The following HPSE2 variants were observed in gnomAD, a reference collection of about 807,000 sequenced individuals.
HPSE2 encodes inactive heparanase-2.
A neutral mutation model predicts 60.5 loss-of-function variants in HPSE2; 38 were observed. That is an observed-to-expected ratio of 0.63 (90% CI 0.48 to 0.82). The LOEUF is 0.82. Among genes scored for constraint, HPSE2 ranks in the 40% least tolerant of loss-of-function variants. The pLI is 0.00. For synonymous variants in HPSE2, 295 were observed against 293.2 expected (o/e 1.01, Z -0.06); for missense variants, 713 against 740.4 (o/e 0.96, Z 0.43).
chr10:98,641,318 G>A (rs1346829466), intron 7 of HPSE2, among the ~76,000 whole-genome samples: 2 of 152,056 alleles, frequency 1.3e-5, no homozygotes, highest in Admixed American at 1.3e-4. Context: ...CAGGCACAGC[G>A]GCTCACACCG....
At chr10:98,947,801 A>C (rs974196249) in intron 3 of HPSE2, among the ~76,000 whole-genome samples, 1 of 152,164 alleles carries the variant, frequency 6.6e-6, no homozygotes, top group African/African-American at 2.4e-5. Flanking sequence ...TTGTACAATA[A>C]GAAGGCCTGA....
chr10:98,591,274 C>T (rs908429067), intron 9 of HPSE2, among the ~76,000 whole-genome samples: 8 of 152,262 alleles, frequency 5.3e-5, no homozygotes, highest in South Asian at 2.1e-4. Flanking sequence ...TGGAGCACCA[C>T]GTAAATGGCA....
At chr10:99,072,536 C>CA (rs1842825502) in intron 3 of HPSE2, among the ~76,000 whole-genome samples, 2 of 152,050 alleles carry the variant, frequency 1.3e-5, no homozygotes, top group South Asian at 4.1e-4. Context: ...ATGCAGCTGA[C>CA]AAACATATGA....
intron 9 of HPSE2, among the ~76,000 whole-genome samples, chr10:98,543,781 A>G (rs1186419125): frequency 6.6e-6 from 1 of 152,214 alleles, no homozygotes; most frequent in Non-Finnish European, 1.5e-5. Flanking sequence ...AGAGCTAACT[A>G]TCCTAAATAT....
chr10:98,723,324 ATGGTGGATAAGC>A (rs1226555684), intron 4 of HPSE2, among the ~76,000 whole-genome samples: 1 of 152,156 alleles, frequency 6.6e-6, no homozygotes, highest in Non-Finnish European at 1.5e-5. Context: ...CCACTTGATC[ATGGTGGATAAGC>A]TTTTTGATGT....
chr10:98,801,886 C>T (rs1416479754), intron 3 of HPSE2, among the ~76,000 whole-genome samples: 1 of 152,080 alleles, frequency 6.6e-6, no homozygotes, highest in African/African-American at 2.4e-5. Flanking sequence ...ATAGCCGAAC[C>T]TACCCTGGGC....
intron 3 of HPSE2, among the ~76,000 whole-genome samples, chr10:98,944,798 T>C (rs1955130628): frequency 6.6e-6 from 1 of 152,130 alleles, no homozygotes; most frequent in Non-Finnish European, 1.5e-5. Context: ...TAGCTTCCAG[T>C]TTCTCCATCC....
chr10:98,903,356 C>A (rs565409385), intron 3 of HPSE2, among the ~76,000 whole-genome samples: 16 of 151,982 alleles, frequency 1.1e-4, no homozygotes, highest in Non-Finnish European at 2.2e-4. Context: ...TATAAATGCA[C>A]AACTTTATGA....
intron 3 of HPSE2, among the ~76,000 whole-genome samples, chr10:98,744,858 A>C (rs1368222542): frequency 6.6e-6 from 1 of 152,172 alleles, no homozygotes; most frequent in Non-Finnish European, 1.5e-5. Context: ...TTTTCACTGA[A>C]GTCCAGATTT....
rs541246302 is a variant in HPSE2, at chr10:98,929,168, A to C, written c.611-185112T>G. On this transcript the variant is annotated intron_variant, in intron 3 of 11. Transcript: ENST00000370552. ...ATGGTATATGATGTGTGCCCTTGTA[A>C]GCACAAATAGCAGGCACAAAGTTCC... 4.1e-4 allele frequency among the ~76,000 whole-genome samples: 59 copies of C among 143,288 alleles called. 7 individuals are homozygous for C. Among genetic ancestry groups the C allele is most frequent in the Non-Finnish European group, 7.3e-4 (49 of 67,060 alleles). 94.0% of individuals were successfully genotyped at this position (143,288 alleles called of 152,430 possible). A position where few individuals can be genotyped will look rare whatever the true frequency, so the allele number is the denominator to read the frequency against.
chr10:98,609,509 G>A (rs1439366611), intron 9 of HPSE2, among the ~76,000 whole-genome samples: 3 of 152,048 alleles, frequency 2.0e-5, no homozygotes, highest in African/African-American at 7.2e-5. Flanking sequence ...ATTCACGTAA[G>A]AAAATAAAAA....
intron 5 of HPSE2, among the ~76,000 whole-genome samples, chr10:98,704,655 G>A (rs2134202754): frequency 6.6e-6 from 1 of 152,206 alleles, no homozygotes; most frequent in East Asian, 1.9e-4. Context: ...AACAAACAAT[G>A]GAGAAAGGAT....
intron 3 of HPSE2, among the ~76,000 whole-genome samples, chr10:98,789,567 G>A (rs1485742956): frequency 6.6e-6 from 1 of 152,208 alleles, no homozygotes; most frequent in Non-Finnish European, 1.5e-5. Flanking sequence ...GACCCAAATA[G>A]TTGGACCTTT....
intron 3 of HPSE2, among the ~76,000 whole-genome samples, chr10:99,135,966 C>T (rs183255885): frequency 2.6e-5 from 4 of 151,676 alleles, no homozygotes; most frequent in East Asian, 3.9e-4. Flanking sequence ...TTTTTGAAAA[C>T]ATCAACAAAA....
chr10:98,603,637 G>C (rs899411732), intron 9 of HPSE2, among the ~76,000 whole-genome samples: 23 of 151,956 alleles, frequency 1.5e-4, no homozygotes, highest in Non-Finnish European at 2.2e-4. Context: ...ACCATGTTGG[G>C]CAGGATGGTC....
intron 3 of HPSE2, among the ~76,000 whole-genome samples, chr10:99,068,624 A>G (rs1842688882): frequency 6.6e-6 from 1 of 152,200 alleles, no homozygotes; most frequent in Non-Finnish European, 1.5e-5. Flanking sequence ...CAGCTGAACC[A>G]TATCGAGAGT....
chr10:98,791,317 G>C (rs1411651151), intron 3 of HPSE2, among the ~76,000 whole-genome samples: 1 of 152,142 alleles, frequency 6.6e-6, no homozygotes. Flanking sequence ...AAGGCTGTTA[G>C]ATTTAACAAT....
At chr10:98,943,137 C>G (rs113922421) in intron 3 of HPSE2, among the ~76,000 whole-genome samples, 2,320 of 150,462 alleles carry the variant, frequency 0.015, 59 homozygotes, top group African/African-American at 0.053. Flanking sequence ...TGCTAAATGA[C>G]GAGTTGGTGG....
At chr10:99,161,703 G>A (rs1426528210) in intron 2 of HPSE2, among the ~76,000 whole-genome samples, 2 of 152,076 alleles carry the variant, frequency 1.3e-5, no homozygotes, top group African/African-American at 2.4e-5. Context: ...TCCAAAAAAA[G>A]CTATCAAAAA....
Sources: allele counts gnomAD v4.1 joint callset (sites outside exome capture counted in the v4.1 genomes callset), GRCh38; gene constraint gnomAD v4.1.1; transcripts MANE v1.5; gene names NCBI Gene and HGNC (gene_info 2026-07-23, HGNC 2026-07-21).